Variants in CROCC2 observed in about 807,000 individuals in gnomAD.
CROCC2 encodes the protein ciliary rootlet coiled-coil protein 2.
In CROCC2, 163 loss-of-function variants were observed where a neutral mutation model predicts 177.6. That is an observed-to-expected ratio of 0.92 (90% CI 0.81 to 1.05). The LOEUF is 1.05. CROCC2 is among the 50% of genes least tolerant of loss of function. The pLI, the probability that CROCC2 is intolerant of heterozygous loss-of-function variation, is 0.00. For missense variants in CROCC2, 1,929 were observed against 1,797.8 expected (o/e 1.07, Z -1.32); for synonymous variants, 904 against 787.3 (o/e 1.15, Z -2.48).
chr2:240,930,478 G>C (rs1197781779), intron 6 of CROCC2, among the ~76,000 whole-genome samples: 2 of 152,134 alleles, frequency 1.3e-5, no homozygotes, highest in East Asian at 3.8e-4. Context: ...AGGGGAGAAG[G>C]ACAAACAGGC....
At chr2:240,945,762 T>C (rs2059519942) in intron 14 of CROCC2, among the ~76,000 whole-genome samples, 1 of 152,146 alleles carries the variant, frequency 6.6e-6, no homozygotes, top group Non-Finnish European at 1.5e-5. Context: ...CAGCATTTCC[T>C]GACCCCTGGA....
chr2:240,942,486 TCTCC>T (rs1229095060), intron 14 of CROCC2, among the ~76,000 whole-genome samples: 1 of 152,218 alleles, frequency 6.6e-6, no homozygotes, highest in Non-Finnish European at 1.5e-5. Context: ...TTTGGCCTTG[TCTCC>T]TAGTATGCTT....
rs2059447525 is a variant in CROCC2 at position 240,933,473 on chromosome 2, CA to C, written c.1463+132del. On this transcript the variant is annotated intron_variant, in intron 10 of 31. Coordinates refer to ENST00000690015, the MANE Select transcript of CROCC2 (RefSeq NM_001351305.2). ...CCGGGGAGGGGTCCTTGCCTTCTAG[CA>C]GAGTTGTGTGAGCACCAGTTGAGCG... The C allele has an allele frequency of 2.3e-5, 26 of 1,149,142 alleles. No individual in the cohort carries two copies. The South Asian group carries it at 4.2e-4, about 19-fold the overall frequency. The allele number at this position is 1,149,142 out of a possible 1,614,324, so 71.2% of individuals were successfully genotyped here. A position where few individuals can be genotyped will look rare whatever the true frequency, so the allele number is the denominator to read the frequency against.
At position 240,946,193 on chromosome 2, in the gene CROCC2, C is replaced by T; in HGVS notation, c.2303C>T (p.Ala768Val). The change falls in exon 15 of 32, where the codon GCC becomes GTC. Residue 768 changes from alanine to valine, a missense_variant. Ala to Val is a moderately conservative substitution (Grantham distance 64, BLOSUM62 0). Around this residue, in one of 3 missense-constraint regions of CROCC2, gnomAD observed 1,397 missense variants for 1,239.9 expected, o/e 1.13. Coordinates refer to ENST00000690015, the MANE Select transcript of CROCC2 (RefSeq NM_001351305.2). ...ALSEERAQLL[A>V]KQEALERQGR... Reference sequence around the variant, plus strand: ...TCTGAGGAGCGGGCCCAGCTGCTGGCCAAGCAGGAGGCCTTGGAGAGGCAG... The same window carrying T: ...TCTGAGGAGCGGGCCCAGCTGCTGGTCAAGCAGGAGGCCTTGGAGAGGCAG... The T allele has an allele frequency of 6.5e-7, 1 of 1,547,484 alleles. No homozygotes were observed.
intron 28 of CROCC2, among the ~76,000 whole-genome samples, chr2:240,984,363 T>C (rs1201773535): frequency 6.6e-6 from 1 of 151,888 alleles, no homozygotes; most frequent in African/African-American, 2.4e-5. Flanking sequence ...GGTCGACTGA[T>C]AGGGAAACAG....
chr2:240,967,117 C>T (rs114969903), intron 25 of CROCC2, among the ~76,000 whole-genome samples: 2,117 of 152,256 alleles, frequency 0.014, 29 homozygotes, highest in Middle Eastern at 0.027. Context: ...GGCCGAGTCT[C>T]ACTGGGCGCC....
chr2:240,917,940 C>T lies in CROCC2; in HGVS notation c.79-786C>T, dbSNP rs570977574. Among the ~76,000 whole-genome samples, 8 of 152,266 alleles carry T rather than the reference C, an allele frequency of 5.3e-5. No homozygotes were observed. The highest frequency in any genetic ancestry group is 7.2e-5 in the African/African-American group (3 of 41,564). On this transcript the variant is annotated intron_variant, in intron 1 of 31. Transcript: ENST00000690015. This position sits in a 1 kb window ranked among gnomAD's most constrained non-coding sequence, Gnocchi z 4.9. ...GCCCTCCCCAAGCTGTGCCCCTGCC[C>T]GGCAAAATGCCATTAGAGCCCAAGA...
intron 14 of CROCC2, among the ~76,000 whole-genome samples, chr2:240,936,149 C>G (rs532395235): frequency 6.6e-6 from 1 of 152,212 alleles, no homozygotes; most frequent in African/African-American, 2.4e-5. Context: ...ACCCTCCTTC[C>G]GTTTTCAGAT....
chr2:240,963,611 G>T lies in CROCC2; in HGVS notation c.3143G>T (p.Arg1048Leu), dbSNP rs965037522. 4 of 1,548,392 alleles carry T rather than the reference G, an allele frequency of 2.6e-6. No homozygotes were observed. The highest frequency in any genetic ancestry group is 2.4e-5 in the East Asian group (1 of 40,896). ...TVAQEGLAALRQELQGVEESR... is the reference protein window; with the variant it reads ...TVAQEGLAALLQELQGVEESR... ...GCCCAGGAGGGACTGGCCGCACTGC[G>T]CCAGGAGCTGCAGGGCGTCGAGGAG... The change falls in exon 21 of 32, where the codon CGC (arginine) becomes CTC (leucine). Residue 1048 changes from arginine to leucine, a missense_variant. Transcript: ENST00000690015.
chr2:240,922,993 G>A (rs772471675), intron 4 of CROCC2, among the ~76,000 whole-genome samples: 2 of 152,086 alleles, frequency 1.3e-5, no homozygotes, highest in Non-Finnish European at 2.9e-5. Context: ...CACCGTCCCA[G>A]CCTCTGAGAG....
At chr2:240,966,494 G>T in intron 25 of CROCC2, 85 bp downstream of exon 25, 1 of 398,498 alleles carries the variant, frequency 2.5e-6, no homozygotes, top group Non-Finnish European at 4.4e-6. Flanking sequence ...CCATCCGCGC[G>T]TCCCTGGGTC....
At chr2:240,910,493 T>A (rs1341953090) in intron 1 of CROCC2, among the ~76,000 whole-genome samples, 1 of 152,236 alleles carries the variant, frequency 6.6e-6, no homozygotes, top group African/African-American at 2.4e-5. Flanking sequence ...TCCTGTCTTT[T>A]GGATGTCTGC....
chr2:240,950,348 G>T lies in CROCC2; in HGVS notation c.2667G>T (p.Leu889=). ...CCTTGGCCCAGGAGACCCTGAGCCTGACCCTGGCAGAGGAGAAGGAGGTAG... is the reference window on the plus strand; with the variant it reads ...CCTTGGCCCAGGAGACCCTGAGCCTTACCCTGGCAGAGGAGAAGGAGGTAG... ...QLQREKETLS[L]TLAEEKEVAR... Residue 889 remains leucine (L), a synonymous_variant, in exon 18 of 32, where the codon CTG becomes CTT. Transcript: ENST00000690015. 1 of 1,549,996 alleles carries T rather than the reference G, an allele frequency of 6.5e-7. No individual in the cohort carries two copies. The highest frequency in any genetic ancestry group is 1.2e-5 in the South Asian group (1 of 84,016).
chr2:240,960,865 G>T lies in CROCC2; in HGVS notation c.3087+1421G>T, dbSNP rs934802257. 4.0e-5 allele frequency among the ~76,000 whole-genome samples: 6 copies of T among 151,336 alleles called. No individual in the cohort carries two copies. The highest frequency in any genetic ancestry group is 5.9e-5 in the Non-Finnish European group (4 of 67,838). On this transcript the variant is annotated intron_variant, in intron 20 of 31. Coordinates refer to ENST00000690015, the MANE Select transcript of CROCC2 (RefSeq NM_001351305.2). The surrounding 1 kb of genome is among the most constrained non-coding windows in gnomAD (Gnocchi z 5.0). ...TTCAACAGATTTCAAAGTCAGGCCC[G>T]GTCAGCGACCACACGGGGAAGCAAA... is the stretch of plus-strand genomic sequence containing the variant.
intron 10 of CROCC2, 67 bp downstream of exon 10, chr2:240,933,409 T>C: frequency 2.1e-6 from 3 of 1,399,748 alleles, no homozygotes. Flanking sequence ...CCAGGGCTGC[T>C]GTCAGGACAA....
intron 28 of CROCC2, among the ~76,000 whole-genome samples, chr2:240,987,009 AC>A (rs2059844268): frequency 6.6e-6 from 1 of 152,202 alleles, no homozygotes. Context: ...CACGAAAGCC[AC>A]CAGCCAGCTT....
intron 15 of CROCC2, among the ~76,000 whole-genome samples, chr2:240,946,613 C>T (rs2059526392): frequency 6.6e-6 from 1 of 152,230 alleles, no homozygotes; most frequent in South Asian, 2.1e-4. Flanking sequence ...ACAGTGCCCT[C>T]AGAATCCTGC....
chr2:240,959,221 T>A, intron 19 of CROCC2, 80 bp from the exon 20 acceptor site: 1 of 1,468,434 alleles, frequency 6.8e-7, no homozygotes, highest in Non-Finnish European at 9.1e-7. Context: ...CACCTCTCTC[T>A]CCAGGGTCCT....
At chr2:240,930,367 C>A (rs184703632) in intron 6 of CROCC2, 98 bp downstream of exon 6, 2 of 445,986 alleles carry the variant, frequency 4.5e-6, no homozygotes, top group Admixed American at 4.0e-5. Flanking sequence ...CGGGCTCTCC[C>A]GTGGGTGCAG....
Sources: allele counts gnomAD v4.1 joint callset (sites outside exome capture counted in the v4.1 genomes callset), GRCh38; gene constraint gnomAD v4.1.1; regional missense constraint gnomAD v4.1.1; non-coding constraint Gnocchi (gnomAD v3.1); transcripts MANE v1.5; gene names NCBI Gene and HGNC (gene_info 2026-07-23, HGNC 2026-07-21).